Variants in RASGRF1 observed in about 807,000 individuals in gnomAD.
RASGRF1 encodes the protein Ras protein specific guanine nucleotide releasing factor 1.
RASGRF1 carries 40 observed loss-of-function variants against 138.7 expected under a neutral mutation model. That is an observed-to-expected ratio of 0.29 (90% CI 0.22 to 0.38). The LOEUF is 0.38. Among genes scored for constraint, RASGRF1 ranks in the 10% least tolerant of loss-of-function variants. The pLI is 1.00. For missense variants in RASGRF1, 1,108 were observed against 1,650.4 expected (o/e 0.67, Z 5.69); for synonymous variants, 614 against 663.2 (o/e 0.93, Z 1.14).
intron 24 of RASGRF1, 165 bp downstream of exon 24, chr15:78,980,455 G>A: frequency 3.9e-6 from 2 of 511,936 alleles, no homozygotes; most frequent in Non-Finnish European, 7.0e-6. Context: ...GCAGACCATG[G>A]AGGACTCCAC....
intron 26 of RASGRF1, among the ~76,000 whole-genome samples, chr15:78,970,978 T>C (rs1007133327): frequency 5.3e-5 from 8 of 152,212 alleles, no homozygotes; most frequent in African/African-American, 1.7e-4. Context: ...ACCAGTTCCA[T>C]CTGTTTCTGG....
intron 5 of RASGRF1, among the ~76,000 whole-genome samples, chr15:79,035,528 AG>A (rs1402190655): frequency 6.6e-6 from 1 of 152,212 alleles, no homozygotes; most frequent in Non-Finnish European, 1.5e-5. Flanking sequence ...TGCTCTGGCC[AG>A]TGGCCTCTGT....
At chr15:79,063,621 T>C (rs1034316082) in intron 2 of RASGRF1, among the ~76,000 whole-genome samples, 6 of 152,230 alleles carry the variant, frequency 3.9e-5, no homozygotes, top group Non-Finnish European at 7.3e-5. Flanking sequence ...GCCTTGGTAA[T>C]GCAAAGAATC....
intron 22 of RASGRF1, among the ~76,000 whole-genome samples, chr15:78,988,721 G>C (rs750226530): frequency 6.6e-5 from 10 of 152,264 alleles, no homozygotes; most frequent in Middle Eastern, 3.4e-3. Context: ...ATTAAACTCA[G>C]AAGAATGAGG....
chr15:79,089,437 C>G (rs745029), intron 1 of RASGRF1, among the ~76,000 whole-genome samples: 1 of 152,174 alleles, frequency 6.6e-6, no homozygotes, highest in South Asian at 2.1e-4. Context: ...CCTGGCTCTT[C>G]AGCCTTGCAG....
chr15:79,001,774 G>T lies in RASGRF1; in HGVS notation c.2463C>A (p.Ser821=). The T allele has an allele frequency of 6.4e-7, 1 of 1,558,296 alleles. No homozygotes were observed. Residue 821 remains serine, a synonymous_variant, in exon 16 of 27, where the codon TCC becomes TCA. Transcript: ENST00000558480. ...SALSKQSSEV[S]MREESDIDQN... The stretch of plus-strand genomic sequence containing the variant: ...GATCAATATCTGACTCCTCTCTCAT[G>T]GAGACTTCTGAGCCTGGGAGAAAAG...
Position 79,081,494 on chromosome 15 carries a change from T to C in RASGRF1, c.276+8729A>G, listed in dbSNP as rs573008662. Among the ~76,000 whole-genome samples, 646 of 152,332 alleles carry C rather than the reference T, an allele frequency of 4.2e-3. 4 individuals carry two copies. The highest frequency in any genetic ancestry group is 0.015 in the African/African-American group (616 of 41,588). On this transcript the variant is annotated intron_variant, in intron 1 of 26. Transcript: ENST00000558480. Reference sequence around the variant, plus strand: ...CCCACTCAGAGCCCTGCACTGGCTCTGCACTGGGCCTGGGAAGGCCTGAGC... The same window carrying C: ...CCCACTCAGAGCCCTGCACTGGCTCCGCACTGGGCCTGGGAAGGCCTGAGC...
Position 79,027,914 on chromosome 15 carries a change from A to G in RASGRF1, c.1263-55T>C. On this transcript the variant is annotated intron_variant, in intron 8 of 26. Transcript: ENST00000558480. This position sits in a 1 kb window ranked among gnomAD's most constrained non-coding sequence, Gnocchi z 4.8. Reference sequence around the variant, plus strand: ...GACAGGCTGCCCCTACTTCCCAGGGAGGCGAGAATGCCAGGCTTCTGGCCA... The same window carrying G: ...GACAGGCTGCCCCTACTTCCCAGGGGGGCGAGAATGCCAGGCTTCTGGCCA... 1.0e-5 allele frequency: 16 copies of G among 1,568,854 alleles called. No individual in the cohort carries two copies. The highest frequency in any genetic ancestry group is 1.4e-5 in the Non-Finnish European group (16 of 1,140,162).
intron 21 of RASGRF1, 80 bp from the exon 22 acceptor site, chr15:78,990,353 A>ATTTTAT (rs368401357): frequency 0.014 from 15,196 of 1,052,170 alleles, 149 homozygotes; most frequent in Non-Finnish European, 0.017. Context: ...TTTTTATTTT[A>ATTTTAT]TTTTTTGGCT....
chr15:79,003,963 G>C lies in RASGRF1; in HGVS notation c.2288C>G (p.Ser763Cys). The change falls in exon 15 of 27, where the codon TCC becomes TGC. Residue 763 changes from serine to cysteine, a missense_variant. Physicochemically the swap from Ser to Cys is moderately radical, Grantham distance 112. Transcript: ENST00000558480. ...CGAGTACATGCTGGTGTAGCCATTG[G>C]AGTTGCAGCTGAGGGCGGCCAGGTC... The part of the protein sequence containing the change: ...ALDLAALSCN[S>C]NGYTSMYSAM... 6.2e-7 allele frequency: 1 copy of C among 1,614,156 alleles called. No homozygotes were observed. Among genetic ancestry groups the C allele is most frequent in the Non-Finnish European group, 8.5e-7 (1 of 1,179,986 alleles).
Position 78,993,267 on chromosome 15 carries a change from G to GTGTTTGC in RASGRF1, c.3028-1474_3028-1473insGCAAACA, listed in dbSNP as rs2056315539. ...GTGTACGTGGTGTGTGTGGTGTGGT[G>GTGTTTGC]TGTGTGGTGTGTGTGTGGTGTCTGT... On this transcript the variant is annotated intron_variant, in intron 20 of 26. Transcript: ENST00000558480. 1.4e-4 allele frequency among the ~76,000 whole-genome samples: 13 copies of GTGTTTGC among 90,564 alleles called. 1 individual carries two copies. Among genetic ancestry groups the GTGTTTGC allele is most frequent in the South Asian group, 3.3e-4 (1 of 3,018 alleles). 59.4% of individuals were successfully genotyped at this position (90,564 alleles called of 152,430 possible).
intron 22 of RASGRF1, among the ~76,000 whole-genome samples, chr15:78,986,274 G>T (rs2056155012): frequency 6.6e-6 from 1 of 152,128 alleles, no homozygotes; most frequent in Non-Finnish European, 1.5e-5. Flanking sequence ...GAACATCAGG[G>T]AATTAGAATT....
At chr15:79,037,237 T>G (rs995030287) in intron 5 of RASGRF1, among the ~76,000 whole-genome samples, 51 of 151,688 alleles carry the variant, frequency 3.4e-4, no homozygotes, top group Non-Finnish European at 7.2e-4. Flanking sequence ...ATGTCTGACT[T>G]GAGGTGGGAG....
chr15:78,967,718 C>T (rs979088919), intron 26 of RASGRF1, among the ~76,000 whole-genome samples: 2 of 151,992 alleles, frequency 1.3e-5, no homozygotes, highest in African/African-American at 4.8e-5. Flanking sequence ...TTACTGTTGT[C>T]TGTTTTCCGG....
intron 13 of RASGRF1, among the ~76,000 whole-genome samples, chr15:79,012,212 C>T (rs1567516222): frequency 6.6e-6 from 1 of 152,012 alleles, no homozygotes; most frequent in Non-Finnish European, 1.5e-5. Context: ...ACTTTTTTGC[C>T]TCCGAACCTA....
chr15:78,974,399 A>T (rs1325148094), intron 24 of RASGRF1, among the ~76,000 whole-genome samples: 1 of 152,132 alleles, frequency 6.6e-6, no homozygotes, highest in African/African-American at 2.4e-5. Context: ...GCTAGCCTGG[A>T]GGAAGGTGAG....
At chr15:79,085,197 G>C (rs1026424233) in intron 1 of RASGRF1, among the ~76,000 whole-genome samples, 1 of 152,258 alleles carries the variant, frequency 6.6e-6, no homozygotes, top group Non-Finnish European at 1.5e-5. Flanking sequence ...TTTAGGCTAA[G>C]ACCTGCAGGA....
chr15:78,980,774 C>T (rs936361268), intron 23 of RASGRF1, 75 bp from the exon 24 acceptor site: 1 of 1,118,334 alleles, frequency 8.9e-7, no homozygotes, highest in East Asian at 2.5e-5. Flanking sequence ...CAGGCCCACA[C>T]TCCAACATGC....
chr15:79,004,341 T>C (rs2056623488), intron 14 of RASGRF1, among the ~76,000 whole-genome samples, 166 bp from the exon 15 acceptor site: 1 of 152,144 alleles, frequency 6.6e-6, no homozygotes. Flanking sequence ...GACAATGCGA[T>C]TAAATGGCCT....
Sources: gnomAD v4.1 joint callset for allele counts (sites outside exome capture counted in the v4.1 genomes callset) on GRCh38, gnomAD v4.1.1 for gene constraint, Gnocchi (gnomAD v3.1) non-coding constraint, MANE v1.5 for transcripts, NCBI Gene and HGNC (gene_info 2026-07-23, HGNC 2026-07-21) for gene names.